MTRFR: variants seen among roughly 807,000 people sequenced by gnomAD.
MTRFR encodes the protein probable peptide chain release factor C12orf65, mitochondrial.
In MTRFR, 10 loss-of-function variants were observed where a neutral mutation model predicts 11.9. The ratio of observed to expected loss-of-function variants is 0.84; its 90% CI spans 0.52 to 1.42. The LOEUF is 1.42. Ranked by LOEUF, MTRFR falls within the 40% of genes most tolerant of loss-of-function variation. The pLI, the probability that MTRFR is intolerant of heterozygous loss-of-function variation, is 0.00. For synonymous variants in MTRFR, 77 were observed against 79.1 expected (o/e 0.97, Z 0.14); for missense variants, 196 against 197.9 (o/e 0.99, Z 0.06).
intron 1 of MTRFR, among the ~76,000 whole-genome samples, chr12:123,241,618 G>A (rs1194880952): frequency 1.3e-5 from 2 of 152,108 alleles, no homozygotes; most frequent in Non-Finnish European, 2.9e-5. Context: ...GGGATTACAG[G>A]CACGAACCAC....
At chr12:123,234,601 T>G (rs2047806782) in intron 1 of MTRFR, among the ~76,000 whole-genome samples, 1 of 152,166 alleles carries the variant, frequency 6.6e-6, no homozygotes, top group Non-Finnish European at 1.5e-5. Flanking sequence ...TTTGCCATAT[T>G]GGCCAGGCTG....
chr12:123,238,335 C>T (rs1416298553), intron 1 of MTRFR, among the ~76,000 whole-genome samples: 2 of 152,158 alleles, frequency 1.3e-5, no homozygotes, highest in Non-Finnish European at 2.9e-5. Context: ...TGTTTAAGCT[C>T]AATGTTGTTT....
intron 1 of MTRFR, among the ~76,000 whole-genome samples, chr12:123,238,121 C>T (rs2047879759): frequency 6.6e-6 from 1 of 152,076 alleles, no homozygotes; most frequent in Admixed American, 6.6e-5. Context: ...GTCTGGAACT[C>T]CTGAGCTCAG....
chr12:123,254,075 A>G, intron 2 of MTRFR, 119 bp downstream of exon 2: 1 of 1,234,622 alleles, frequency 8.1e-7, no homozygotes, highest in Non-Finnish European at 1.1e-6. Context: ...GGCTTGGGCC[A>G]CCCTCTACCA....
chr12:123,254,056 T>C, intron 2 of MTRFR, 100 bp downstream of exon 2: 2 of 1,456,204 alleles, frequency 1.4e-6, no homozygotes, highest in Non-Finnish European at 1.9e-6. Context: ...CGAAGTGCAT[T>C]ATTTTTCTGG....
intron 1 of MTRFR, among the ~76,000 whole-genome samples, chr12:123,242,721 C>G (rs886395840): frequency 6.6e-6 from 1 of 152,178 alleles, no homozygotes; most frequent in African/African-American, 2.4e-5. Context: ...GGTAGAGATT[C>G]AAACAGTGGA....
At chr12:123,234,589 G>A (rs2047806581) in intron 1 of MTRFR, among the ~76,000 whole-genome samples, 1 of 152,082 alleles carries the variant, frequency 6.6e-6, no homozygotes, top group South Asian at 2.1e-4. Context: ...TAGAGACGGG[G>A]TTTTGCCATA....
At chr12:123,238,888 C>T (rs1016811073) in intron 1 of MTRFR, among the ~76,000 whole-genome samples, 8 of 152,162 alleles carry the variant, frequency 5.3e-5, no homozygotes, top group South Asian at 2.1e-4. Flanking sequence ...GCCACCAGCA[C>T]ATGTGGCCCA....
At chr12:123,246,844 C>T (rs1177983609) in intron 1 of MTRFR, among the ~76,000 whole-genome samples, 1 of 150,738 alleles carries the variant, frequency 6.6e-6, no homozygotes, top group Non-Finnish European at 1.5e-5. Flanking sequence ...CATTCTCCTG[C>T]CTCAGCCTCC....
intron 2 of MTRFR, among the ~76,000 whole-genome samples, chr12:123,256,465 G>C (rs978713697): frequency 6.6e-6 from 1 of 152,172 alleles, no homozygotes; most frequent in Non-Finnish European, 1.5e-5. Context: ...ATCCAGGTTT[G>C]TCCCTCTCTA....
intron 1 of MTRFR, among the ~76,000 whole-genome samples, chr12:123,244,608 A>G (rs1334191920): frequency 6.6e-6 from 1 of 151,986 alleles, no homozygotes; most frequent in East Asian, 1.9e-4. Context: ...GGAATCAACA[A>G]AGCCCTTTCT....
Position 123,253,788 on chromosome 12 carries a change from C to CA in MTRFR, c.115dup (p.Thr39AsnfsTer19). The CA allele has an allele frequency of 6.2e-7, 1 of 1,614,212 alleles. No individual in the cohort carries two copies. Among genetic ancestry groups the CA allele is most frequent in the Non-Finnish European group, 8.5e-7 (1 of 1,180,052 alleles). On this transcript the variant is annotated frameshift_variant, in exon 2 of 3. Transcript: ENST00000253233. LOFTEE classifies it high-confidence loss of function. ...CGTTGTTATCCCCAGGAATAGCTGT[C>CA]ACTCCGGTCCAGATGGCAGGCAAGA...
chr12:123,256,812 G>C lies in MTRFR; in HGVS notation c.283-1G>C. 6.2e-7 allele frequency: 1 copy of C among 1,608,290 alleles called. No individual in the cohort carries two copies. The highest frequency in any genetic ancestry group is 8.5e-7 in the Non-Finnish European group (1 of 1,174,830). ...ACATTATAAAATATTATCTCTTACA[G>C]TGCCATCAGACAAGATCAGTTGATC... is the stretch of plus-strand genomic sequence containing the variant. On this transcript the variant is annotated splice_acceptor_variant, in intron 2 of 2. Coordinates refer to ENST00000253233, the MANE Select transcript of MTRFR (RefSeq NM_152269.5). LOFTEE classifies it high-confidence loss of function.
At chr12:123,247,063 TTATGGCCTGTCA>T (rs1392744624) in intron 1 of MTRFR, among the ~76,000 whole-genome samples, 1 of 152,134 alleles carries the variant, frequency 6.6e-6, no homozygotes, top group African/African-American at 2.4e-5. Flanking sequence ...GAGGCTCATT[TTATGGCCTGTCA>T]TATGATCTCT....
chr12:123,253,603 G>A, intron 1 of MTRFR, 44 bp from the exon 2 acceptor site: 2 of 1,572,742 alleles, frequency 1.3e-6, no homozygotes, highest in Non-Finnish European at 8.7e-7. Context: ...AATCTTGAGG[G>A]CAGATGCCTC....
At chr12:123,254,393 G>A (rs981126788) in intron 2 of MTRFR, 5 of 201,668 alleles carry the variant, frequency 2.5e-5, no homozygotes, top group African/African-American at 9.3e-5. Flanking sequence ...TCCCTGAGGA[G>A]GCGGCAAGCA....
chr12:123,245,171 C>A (rs191745409), intron 1 of MTRFR, among the ~76,000 whole-genome samples: 3 of 150,310 alleles, frequency 2.0e-5, no homozygotes, highest in Admixed American at 2.0e-4. Flanking sequence ...CTCCTGACCT[C>A]GTGATCCACC....
chr12:123,257,023 G>A lies in MTRFR; in HGVS notation c.493G>A (p.Val165Ile). The A allele has an allele frequency of 6.2e-7, 1 of 1,611,210 alleles. No homozygotes were observed. Among genetic ancestry groups the A allele is most frequent in the South Asian group, 1.1e-5 (1 of 90,740 alleles). Residue 165 changes from valine (V) to isoleucine (I), a missense_variant, in exon 3 of 3, where the codon GTC becomes ATC. Physicochemically the swap from Val to Ile is conservative, Grantham distance 29. Coordinates refer to ENST00000253233, the MANE Select transcript of MTRFR (RefSeq NM_152269.5). The stretch of plus-strand genomic sequence containing the variant: ...AGAACTGTGGGAGTCAAGTAAAAAG[G>A]TCCACTGAGAAAAGAATTAGAGATT... ...LKELWESSKK[V>I]H
At chr12:123,234,842 C>T (rs1346358757) in intron 1 of MTRFR, among the ~76,000 whole-genome samples, 2 of 152,170 alleles carry the variant, frequency 1.3e-5, no homozygotes, top group East Asian at 3.8e-4. Context: ...GCTGGGAAGT[C>T]AGGCTATATT....
Sources: gnomAD v4.1 joint callset for allele counts (sites outside exome capture counted in the v4.1 genomes callset) on GRCh38, gnomAD v4.1.1 for gene constraint, MANE v1.5 for transcripts, NCBI Gene and HGNC (gene_info 2026-07-23, HGNC 2026-07-21) for gene names.